The following RARB variants were observed in gnomAD, a reference collection of about 807,000 sequenced individuals.
RARB encodes retinoic acid receptor beta.
A neutral mutation model predicts 51.9 loss-of-function variants in RARB; 17 were observed. The observed-to-expected ratio is 0.33, with a 90% CI of 0.22 to 0.49. The LOEUF is 0.49. Ranked by LOEUF, RARB falls within the 20% of genes least tolerant of loss-of-function variation. The probability of loss-of-function intolerance (pLI) is 0.99; values close to 1 mark genes in which losing one functional copy is unlikely to be tolerated. For synonymous variants in RARB, 215 were observed against 195.4 expected (o/e 1.10, Z -0.84); for missense variants, 369 against 550.8 (o/e 0.67, Z 3.30).
intron 2 of RARB, among the ~76,000 whole-genome samples, chr3:24,953,127 C>T (rs185634532): frequency 9.9e-4 from 151 of 152,028 alleles, no homozygotes; most frequent in Non-Finnish European, 1.8e-3. Context: ...TATAGATGCA[C>T]GTAGATAAAA....
intron 5 of RARB, among the ~76,000 whole-genome samples, chr3:25,419,710 T>C (rs922741858): frequency 6.6e-6 from 1 of 152,190 alleles, no homozygotes; most frequent in Non-Finnish European, 1.5e-5. Flanking sequence ...GGAAGCACCA[T>C]GCCTTGGGAA....
At chr3:25,331,850 C>T (rs147840687) in intron 5 of RARB, among the ~76,000 whole-genome samples, 5,966 of 152,198 alleles carry the variant, frequency 0.039, 162 homozygotes, top group Middle Eastern at 0.065. Context: ...GATATCACCA[C>T]CGATCCCACA....
chr3:25,105,411 G>A (rs1699479827), intron 3 of RARB, among the ~76,000 whole-genome samples: 1 of 129,440 alleles, frequency 7.7e-6, no homozygotes, highest in Admixed American at 8.1e-5. Context: ...GCTGTTTAGT[G>A]TATACATGTG....
intron 5 of RARB, among the ~76,000 whole-genome samples, chr3:25,279,243 A>G (rs2125415089): frequency 6.6e-6 from 1 of 152,252 alleles, no homozygotes; most frequent in East Asian, 1.9e-4. Context: ...TCTGCCTTCA[A>G]ACTTCCTTCT....
chr3:25,406,243 G>T, intron 5 of RARB, among the ~76,000 whole-genome samples: 1 of 152,136 alleles, frequency 6.6e-6, no homozygotes, highest in Non-Finnish European at 1.5e-5. Context: ...GGAAGGGATC[G>T]CTGTGAGTCA....
Position 25,075,858 on chromosome 3 carries a change from G to A in RARB, c.-328+15682G>A, listed in dbSNP as rs1455078420. ...ATGATTTTAGGCTTATCAACTGACCGATGAATCAACAAATTGAAGAGTTAT... is the reference window on the plus strand; with the variant it reads ...ATGATTTTAGGCTTATCAACTGACCAATGAATCAACAAATTGAAGAGTTAT... On this transcript the variant is annotated intron_variant, in intron 3 of 11. Transcript: ENST00000383772. Among the ~76,000 whole-genome samples the A allele has an allele frequency of 6.6e-5, 10 of 152,248 alleles. No individual in the cohort carries two copies. In the East Asian group the frequency reaches 7.7e-4, roughly 12 times the overall value.
At chr3:25,353,372 A>G (rs1037835330) in intron 5 of RARB, among the ~76,000 whole-genome samples, 1 of 152,210 alleles carries the variant, frequency 6.6e-6, no homozygotes, top group Admixed American at 6.6e-5. Flanking sequence ...AAATTAATTC[A>G]TAATCATGAA....
At chr3:25,112,335 C>T (rs1341511111) in intron 3 of RARB, among the ~76,000 whole-genome samples, 1 of 152,146 alleles carries the variant, frequency 6.6e-6, no homozygotes, top group African/African-American at 2.4e-5. Flanking sequence ...CACCTGGAAG[C>T]TTGTTACAAA....
In RARB at chr3:25,506,918, G is replaced by A. The variant is rs539098618; in HGVS notation, c.448+5595G>A. Among the ~76,000 whole-genome samples the A allele has an allele frequency of 5.9e-5, 9 of 152,314 alleles. No individual in the cohort carries two copies. The East Asian group carries it at 9.6e-4, about 16-fold the overall frequency. Reference sequence around the variant, plus strand: ...ACTACACCATGCTGACTTATGAGCCGTATGTCTCCATTTTTCTGAGGATTT... The same window carrying A: ...ACTACACCATGCTGACTTATGAGCCATATGTCTCCATTTTTCTGAGGATTT... On this transcript the variant is annotated intron_variant, in intron 3 of 7. Coordinates refer to ENST00000330688, the MANE Select transcript of RARB (RefSeq NM_000965.5).
intron 5 of RARB, among the ~76,000 whole-genome samples, chr3:25,397,825 C>A (rs1283532193): frequency 6.6e-6 from 1 of 151,698 alleles, no homozygotes; most frequent in African/African-American, 2.4e-5. Context: ...AAGGCCACTT[C>A]ACAGTCCTTT....
chr3:25,186,283 T>C (rs772371148), intron 5 of RARB, among the ~76,000 whole-genome samples: 3 of 152,104 alleles, frequency 2.0e-5, no homozygotes, highest in African/African-American at 7.2e-5. Context: ...TTAAGAATTA[T>C]GGCTACAATA....
chr3:24,963,998 C>G (rs1696200089), intron 2 of RARB, among the ~76,000 whole-genome samples: 1 of 152,074 alleles, frequency 6.6e-6, no homozygotes, highest in South Asian at 2.1e-4. Context: ...CAAATGATGT[C>G]TGAACAGAAC....
chr3:24,999,349 C>A (rs1045932291), intron 2 of RARB, among the ~76,000 whole-genome samples: 1 of 152,126 alleles, frequency 6.6e-6, no homozygotes, highest in South Asian at 2.1e-4. Context: ...TGACCTATTT[C>A]CATGCATATC....
chr3:24,986,051 T>C (rs1371309500), intron 2 of RARB, among the ~76,000 whole-genome samples: 3 of 152,370 alleles, frequency 2.0e-5, no homozygotes, highest in Non-Finnish European at 2.9e-5. Context: ...AATATAATTC[T>C]AAGAACCACG....
chr3:25,353,176 C>T (rs1037948412), intron 5 of RARB, among the ~76,000 whole-genome samples: 4 of 152,092 alleles, frequency 2.6e-5, no homozygotes, highest in Admixed American at 2.0e-4. Context: ...TATAGTTTGG[C>T]TTTTAGTTGT....
At chr3:25,317,434 C>T (rs572413101) in intron 5 of RARB, among the ~76,000 whole-genome samples, 1 of 152,102 alleles carries the variant, frequency 6.6e-6, no homozygotes, top group African/African-American at 2.4e-5. Flanking sequence ...GCAACAAATA[C>T]GTATTTTAAT....
chr3:25,277,959 A>C (rs1703433329), intron 5 of RARB, among the ~76,000 whole-genome samples: 1 of 152,124 alleles, frequency 6.6e-6, no homozygotes, highest in Non-Finnish European at 1.5e-5. Flanking sequence ...ATGCCACACA[A>C]TATTTTCTCT....
chr3:25,075,971 T>C (rs139413688), intron 3 of RARB, among the ~76,000 whole-genome samples: 1 of 152,294 alleles, frequency 6.6e-6, no homozygotes, highest in Non-Finnish European at 1.5e-5. Flanking sequence ...AAACCCACAG[T>C]CAGCCTCTGG....
intron 2 of RARB, among the ~76,000 whole-genome samples, chr3:25,058,403 T>C (rs1486716560): frequency 9.9e-5 from 15 of 151,846 alleles, no homozygotes; most frequent in Admixed American, 9.2e-4. Context: ...TAATGACTTT[T>C]GGTTTTAAAA....
Sources: gnomAD v4.1 joint callset for allele counts (sites outside exome capture counted in the v4.1 genomes callset) on GRCh38, gnomAD v4.1.1 for gene constraint, MANE v1.5 for transcripts, NCBI Gene and HGNC (gene_info 2026-07-23, HGNC 2026-07-21) for gene names.